The following RGP1 variants were observed in gnomAD, a reference collection of about 807,000 sequenced individuals.
The protein encoded by RGP1 is RAB6A-GEF complex partner protein 2.
In RGP1, 28 loss-of-function variants were observed where a neutral mutation model predicts 44.5. That is an observed-to-expected ratio of 0.63 (90% CI 0.47 to 0.86). The LOEUF is 0.86. RGP1 is among the 40% of genes least tolerant of loss of function. RGP1 has a pLI of 0.00. For missense variants in RGP1, 417 were observed against 490.7 expected (o/e 0.85, Z 1.42); for synonymous variants, 212 against 196.7 (o/e 1.08, Z -0.65).
At chr9:35,752,533 CT>C in intron 8 of RGP1, 117 bp from the exon 9 acceptor site, 2 of 939,978 alleles carry the variant, frequency 2.1e-6, no homozygotes. Flanking sequence ...TGCCCTGTGA[CT>C]TTTCCCTGTC....
In RGP1 at chr9:35,751,972, A is replaced by G; in HGVS notation, c.779A>G (p.Gln260Arg). 1 of 1,578,674 alleles carries G rather than the reference A, an allele frequency of 6.3e-7. No homozygotes were observed. Residue 260 changes from glutamine to arginine, a missense_variant, in exon 8 of 9, where the codon CAG becomes CGG. Gln to Arg is a conservative substitution (Grantham distance 43). Transcript: ENST00000378078. ...TGCTCCCAGTTTTCAGTCAGCTTAC[A>G]GACCGAGGAGCGTGTACAGCCTGAG... ...VACLQFSVSL[Q>R]TEERVQPEYQ...
the RGP1 span, among the ~76,000 whole-genome samples, chr9:35,786,079 C>G: frequency 1.3e-5 from 2 of 152,222 alleles, no homozygotes; most frequent in African/African-American, 2.4e-5. Context: ...TTCTCCTCTT[C>G]TTCCCAGTCT....
the RGP1 span, among the ~76,000 whole-genome samples, chr9:35,763,894 A>AAAG: frequency 6.6e-6 from 1 of 150,870 alleles, no homozygotes; most frequent in Non-Finnish European, 1.5e-5. Flanking sequence ...AAAAAAAAAA[A>AAAG]AAAAAAGAAA....
chr9:35,771,342 T>A, the RGP1 span, among the ~76,000 whole-genome samples: 1 of 152,152 alleles, frequency 6.6e-6, no homozygotes, highest in Non-Finnish European at 1.5e-5. Context: ...GTGTTAGTGG[T>A]TCTGAGCCTT....
At chr9:35,764,144 A>G in the RGP1 span, among the ~76,000 whole-genome samples, 1 of 152,146 alleles carries the variant, frequency 6.6e-6, no homozygotes, top group Non-Finnish European at 1.5e-5. Context: ...AAAAAGAAGA[A>G]GAAGAAAAAA....
chr9:35,780,442 GGGT>G, the RGP1 span: 1 of 152,212 alleles, frequency 6.6e-6, no homozygotes, highest in Non-Finnish European at 1.5e-5. Flanking sequence ...GAAGACTGAT[GGGT>G]GGCAGGTTAT....
downstream of RGP1, among the ~76,000 whole-genome samples, chr9:35,759,770 TCTC>T (rs1450360161): frequency 1.3e-5 from 2 of 151,806 alleles, no homozygotes; most frequent in Non-Finnish European, 2.9e-5. Flanking sequence ...TAATTATTGA[TCTC>T]CTTCTAGAAG....
At position 35,754,109 on chromosome 9, in the gene RGP1, C is replaced by T. The variant is rs1015722298; in HGVS notation, c.*1235C>T. ...CTAGGATCCCCTTGGCCTGTCCAGC[C>T]CAGAGCATCCTTAGGGCCATTGCTG... On this transcript the variant is annotated 3_prime_UTR_variant, in exon 9 of 9. Transcript: ENST00000378078. 1 of 1,613,372 alleles carries T rather than the reference C, an allele frequency of 6.2e-7. No homozygotes were observed. The highest frequency in any genetic ancestry group is 8.5e-7 in the Non-Finnish European group (1 of 1,179,624).
chr9:35,779,904 T>G, the RGP1 span, among the ~76,000 whole-genome samples: 2 of 151,534 alleles, frequency 1.3e-5, no homozygotes, highest in Non-Finnish European at 2.9e-5. Context: ...CTCGGCTAAT[T>G]AAAAAAAAAT....
Position 35,753,803 on chromosome 9 carries a change from A to T in RGP1, c.*929A>T. 1.9e-6 allele frequency: 3 copies of T among 1,582,800 alleles called. No individual in the cohort carries two copies. Among genetic ancestry groups the T allele is most frequent in the Non-Finnish European group, 2.6e-6 (3 of 1,152,242 alleles). On this transcript the variant is annotated 3_prime_UTR_variant, in exon 9 of 9. Transcript: ENST00000378078. This position sits in a 1 kb window ranked among gnomAD's most constrained non-coding sequence, Gnocchi z 4.2. ...AACGGGAAATGTTAGTAGGTGTAGG[A>T]GTGCTGATGAGAGGCAGAGGCTCTT...
chr9:35,750,595 C>T (rs1021489081), intron 3 of RGP1, 63 bp from the exon 4 acceptor site: 10 of 1,546,592 alleles, frequency 6.5e-6, no homozygotes, highest in East Asian at 2.3e-5. Context: ...CTCCACTTGC[C>T]GTGCTAGTCT....
downstream of RGP1, among the ~76,000 whole-genome samples, chr9:35,760,752 A>T (rs1027279930): frequency 6.6e-6 from 1 of 151,858 alleles, no homozygotes; most frequent in Non-Finnish European, 1.5e-5. Context: ...CCTAGGCTTG[A>T]CCCTCCTGTG....
chr9:35,779,003 T>C, the RGP1 span, among the ~76,000 whole-genome samples: 1 of 152,228 alleles, frequency 6.6e-6, no homozygotes, highest in Non-Finnish European at 1.5e-5. Flanking sequence ...TTGAGCTCCT[T>C]ATTTCATATA....
Position 35,752,848 on chromosome 9 carries a change from C to CCCAGCA in RGP1, c.1160_1165dup (p.Ser387_Thr388dup). On this transcript the variant is annotated inframe_insertion, in exon 9 of 9. Coordinates refer to ENST00000378078, the MANE Select transcript of RGP1 (RefSeq NM_001080496.3). ...CCTGGCCTCATATGCTGCCCCAGGC[C>CCCAGCA]CCAGCACCAGCACCATAACCATCTG... is the stretch of plus-strand genomic sequence containing the variant. 6.2e-7 allele frequency: 1 copy of CCCAGCA among 1,613,708 alleles called. No homozygotes were observed. The highest frequency in any genetic ancestry group is 8.5e-7 in the Non-Finnish European group (1 of 1,179,810).
In RGP1 at chr9:35,753,237, G is replaced by A. The variant is rs1368881962; in HGVS notation, c.*363G>A. The stretch of plus-strand genomic sequence containing the variant: ...GAGAACTGGCAGGTTCCTGCCTCCT[G>A]ACGTACCTCACACCCAGCCGGGAAG... On this transcript the variant is annotated 3_prime_UTR_variant, in exon 9 of 9. Coordinates refer to ENST00000378078, the MANE Select transcript of RGP1 (RefSeq NM_001080496.3). This position sits in a 1 kb window ranked among gnomAD's most constrained non-coding sequence, Gnocchi z 4.2. 1 of 1,614,150 alleles carries A rather than the reference G, an allele frequency of 6.2e-7. No homozygotes were observed. Among genetic ancestry groups the A allele is most frequent in the South Asian group, 1.1e-5 (1 of 91,084 alleles).
chr9:35,772,655 G>A, the RGP1 span, among the ~76,000 whole-genome samples: 1 of 152,110 alleles, frequency 6.6e-6, no homozygotes, highest in Non-Finnish European at 1.5e-5. Context: ...GCCGGGCGTG[G>A]TGGCGGGCGC....
rs533099820 is a variant in RGP1 at position 35,758,429 on chromosome 9, T to A, written c.*5555T>A. On this transcript the variant is annotated 3_prime_UTR_variant, in exon 9 of 9. Coordinates refer to ENST00000378078, the MANE Select transcript of RGP1 (RefSeq NM_001080496.3). The stretch of plus-strand genomic sequence containing the variant: ...TTCTAAAATCAACTCTAAAATGGTA[T>A]TTTGTACTTGTCTCAGAGACGAATT... 4.6e-5 allele frequency: 7 copies of A among 152,346 alleles called. No homozygotes were observed. The highest frequency in any genetic ancestry group is 1.2e-4 in the African/African-American group (5 of 41,560). 9.4% of individuals were successfully genotyped at this position (152,346 alleles called of 1,614,324 possible). A position where few individuals can be genotyped will look rare whatever the true frequency, so the allele number is the denominator to read the frequency against.
chr9:35,780,480 C>T, the RGP1 span: 3 of 152,240 alleles, frequency 2.0e-5, no homozygotes, highest in Non-Finnish European at 4.4e-5. Flanking sequence ...AAGCTCAATG[C>T]TCAACAGATA....
the RGP1 span, among the ~76,000 whole-genome samples, chr9:35,779,375 T>G: frequency 6.6e-6 from 1 of 152,228 alleles, no homozygotes; most frequent in East Asian, 1.9e-4. Flanking sequence ...GAGAGATTGA[T>G]TTCTCATTCC....
Sources: gnomAD v4.1 joint callset for allele counts (sites outside exome capture counted in the v4.1 genomes callset) on GRCh38, gnomAD v4.1.1 for gene constraint, Gnocchi (gnomAD v3.1) non-coding constraint, MANE v1.5 for transcripts, NCBI Gene and HGNC (gene_info 2026-07-23, HGNC 2026-07-21) for gene names.